The following NUDT1 variants were observed in gnomAD, a reference collection of about 807,000 sequenced individuals.
The protein encoded by NUDT1 is nudix hydrolase 1.
Under a neutral mutation model 11.3 loss-of-function variants are expected in NUDT1, and 16 were observed. The ratio of observed to expected loss-of-function variants is 1.41; its 90% CI spans 0.96 to 2.15. NUDT1 has a LOEUF of 2.15. Among genes scored for constraint, NUDT1 ranks in the 30% most tolerant of loss-of-function variants. NUDT1 has a pLI of 0.00. For synonymous variants in NUDT1, 101 were observed against 84.4 expected (o/e 1.20, Z -1.08); for missense variants, 234 against 208.4 (o/e 1.12, Z -0.76).
chr7:2,242,845 A>G, intron 1 of NUDT1: 1 of 674,356 alleles, frequency 1.5e-6, no homozygotes, highest in South Asian at 1.6e-5. Context: ...CTTTCAGTTT[A>G]GCCTTGTAGG....
At chr7:2,249,755 T>A in intron 2 of NUDT1, 102 bp from the exon 3 acceptor site, 1 of 1,485,956 alleles carries the variant, frequency 6.7e-7, no homozygotes, top group Admixed American at 1.9e-5. Context: ...CCCTGGTGGC[T>A]CCCTGGGCTG....
intron 1 of NUDT1, 95 bp downstream of exon 1, chr7:2,242,351 G>T: frequency 1.8e-6 from 1 of 571,238 alleles, no homozygotes; most frequent in Non-Finnish European, 3.0e-6. Context: ...GCTGAGCCAT[G>T]GGCTTGGGGG....
chr7:2,248,237 G>T (rs1794845011), intron 2 of NUDT1: 1 of 152,286 alleles, frequency 6.6e-6, no homozygotes, highest in Admixed American at 6.5e-5. Flanking sequence ...GTAAGAGGAG[G>T]AGACTGAGGT....
intron 2 of NUDT1, among the ~76,000 whole-genome samples, chr7:2,246,197 C>G (rs910561508): frequency 6.6e-6 from 1 of 152,234 alleles, no homozygotes; most frequent in Admixed American, 6.5e-5. Context: ...ATTTCTGTAG[C>G]GCTGCTCTGT....
At position 2,249,946 on chromosome 7, in the gene NUDT1, T is replaced by TG. The variant is rs747210374; in HGVS notation, c.244dup (p.Asp82GlyfsTer102). ...GAGTTCGTGGGCGAGCCTGAGCTCA[T>TG]GGACGTGCATGTCTTCTGCACAGAC... On this transcript the variant is annotated frameshift_variant, in exon 3 of 4. Coordinates refer to ENST00000356714, the MANE Select transcript of NUDT1 (RefSeq NM_002452.4). LOFTEE classifies it high-confidence loss of function. 249 of 1,614,086 alleles carry TG rather than the reference T, an allele frequency of 1.5e-4. No individual in the cohort carries two copies. The highest frequency in any genetic ancestry group is 2.1e-4 in the Non-Finnish European group (243 of 1,180,040).
In NUDT1 at chr7:2,251,141, C is replaced by A; in HGVS notation, c.*140C>A. On this transcript the variant is annotated 3_prime_UTR_variant, in exon 4 of 4. Transcript: ENST00000356714. The stretch of plus-strand genomic sequence containing the variant: ...TGGAAGGGAAAATAAAGCTATCTAG[C>A]GGTGGTTTTTTTTTTTTTTTTTTGG... 5.4e-6 allele frequency: 3 copies of A among 560,532 alleles called. No individual in the cohort carries two copies. The highest frequency in any genetic ancestry group is 1.7e-5 in the South Asian group (1 of 57,172). 34.7% of individuals were successfully genotyped at this position (560,532 alleles called of 1,614,324 possible).
chr7:2,246,247 G>A (rs1192904464), intron 2 of NUDT1, among the ~76,000 whole-genome samples: 1 of 152,248 alleles, frequency 6.6e-6, no homozygotes, highest in African/African-American at 2.4e-5. Context: ...GTCAGTCCCT[G>A]CCTCTGTGGA....
chr7:2,248,381 C>T (rs934803801), intron 2 of NUDT1, among the ~76,000 whole-genome samples: 3 of 152,130 alleles, frequency 2.0e-5, no homozygotes, highest in Admixed American at 6.5e-5. Flanking sequence ...TCAGCAGCAC[C>T]GCTGTGCCCA....
At chr7:2,243,057 C>A in intron 1 of NUDT1, 1 of 715,898 alleles carries the variant, frequency 1.4e-6, no homozygotes, top group Non-Finnish European at 2.6e-6. Context: ...AGGTGATTTT[C>A]CCCTGGAGTC....
Position 2,251,047 on chromosome 7 carries a change from A to G in NUDT1, c.*46A>G, listed in dbSNP as rs749663700. 32 of 1,601,128 alleles carry G rather than the reference A, an allele frequency of 2.0e-5. No homozygotes were observed. The highest frequency in any genetic ancestry group is 2.5e-5 in the Non-Finnish European group (29 of 1,169,766). ...TGGGCAGGAGACGTGGCTGCTGAAC[A>G]GCCGCAAACCATCTTCACCTGGGGG... On this transcript the variant is annotated 3_prime_UTR_variant, in exon 4 of 4. Coordinates refer to ENST00000356714, the MANE Select transcript of NUDT1 (RefSeq NM_002452.4).
In NUDT1 at chr7:2,244,595, T is replaced by C. The variant is rs1794692817; in HGVS notation, c.21T>C (p.Tyr7=). 1.9e-6 allele frequency: 3 copies of C among 1,608,622 alleles called. No homozygotes were observed. The highest frequency in any genetic ancestry group is 2.5e-6 in the Non-Finnish European group (3 of 1,176,740). ...GGACCATGGGCGCCTCCAGGCTCTA[T>C]ACCCTGGTGCTGGTCCTGCAGCCTC... The part of the protein sequence containing the change: MGASRL[Y]TLVLVLQPQR... The change falls in exon 2 of 4, where the codon TAT becomes TAC. Residue 7 remains tyrosine, a synonymous_variant. Coordinates refer to ENST00000356714, the MANE Select transcript of NUDT1 (RefSeq NM_002452.4).
In NUDT1 at chr7:2,249,963, T is replaced by C. The variant is rs776529595; in HGVS notation, c.259T>C (p.Cys87Arg). Residue 87 changes from cysteine (C) to arginine (R), a missense_variant, in exon 3 of 4, where the codon TGC becomes CGC. Cys to Arg is a radical substitution (Grantham distance 180). Transcript: ENST00000356714. ...EPELMDVHVF[C>R]TDSIQGTPVE... is the part of the protein sequence containing the mutation. ...TGAGCTCATGGACGTGCATGTCTTC[T>C]GCACAGACAGCATCCAGGGGACCCC... is the stretch of plus-strand genomic sequence containing the variant. 31 of 1,614,070 alleles carry C rather than the reference T, an allele frequency of 1.9e-5. No individual in the cohort carries two copies. The highest frequency in any genetic ancestry group is 3.3e-4 in the Middle Eastern group (2 of 6,084).
intron 2 of NUDT1, among the ~76,000 whole-genome samples, chr7:2,247,372 G>A (rs1794810563): frequency 6.6e-6 from 1 of 152,244 alleles, no homozygotes; most frequent in Non-Finnish European, 1.5e-5. Context: ...CAGAGGGCTG[G>A]ACTCAGACCC....
chr7:2,246,628 G>A (rs544361656), intron 2 of NUDT1, among the ~76,000 whole-genome samples: 3 of 152,276 alleles, frequency 2.0e-5, no homozygotes, highest in East Asian at 1.9e-4. Flanking sequence ...ACTTTGTCAC[G>A]GTCGAAGGAA....
Position 2,251,078 on chromosome 7 carries a change from A to G in NUDT1, c.*77A>G. ...AAACCATCTTCACCTGGGGGCATTGAGTGGCGCAGAGCCGGGTTTCATCTG... is the reference window on the plus strand; with the variant it reads ...AAACCATCTTCACCTGGGGGCATTGGGTGGCGCAGAGCCGGGTTTCATCTG... On this transcript the variant is annotated 3_prime_UTR_variant, in exon 4 of 4. Coordinates refer to ENST00000356714, the MANE Select transcript of NUDT1 (RefSeq NM_002452.4). The G allele has an allele frequency of 7.0e-7, 1 of 1,421,676 alleles. No homozygotes were observed. The highest frequency in any genetic ancestry group is 1.2e-5 in the South Asian group (1 of 86,920). The allele number at this position is 1,421,676 out of a possible 1,614,324, so 88.1% of individuals were successfully genotyped here.
intron 1 of NUDT1, chr7:2,242,525 C>T: frequency 2.5e-6 from 1 of 394,374 alleles, no homozygotes; most frequent in South Asian, 4.0e-5. Context: ...GAAACCGTGG[C>T]TTCTGGCAGA....
At chr7:2,247,652 C>T (rs959982940) in intron 2 of NUDT1, among the ~76,000 whole-genome samples, 2 of 152,172 alleles carry the variant, frequency 1.3e-5, no homozygotes, top group South Asian at 2.1e-4. Context: ...CCTGGGGAAC[C>T]GAGTGCCATG....
At chr7:2,243,504 G>A (rs1470501378) in intron 1 of NUDT1, among the ~76,000 whole-genome samples, 1 of 152,088 alleles carries the variant, frequency 6.6e-6, no homozygotes, top group Non-Finnish European at 1.5e-5. Flanking sequence ...TGGGCGCAGT[G>A]GCTCACGCCT....
Position 2,250,995 on chromosome 7 carries a change from G to C in NUDT1, c.465G>C (p.Thr155=). 1 of 1,613,864 alleles carries C rather than the reference G, an allele frequency of 6.2e-7. No individual in the cohort carries two copies. Among genetic ancestry groups the C allele is most frequent in the Non-Finnish European group, 8.5e-7 (1 of 1,179,914 alleles). Residue 155 remains threonine, a synonymous_variant, in exon 4 of 4, where the codon ACG becomes ACC. Coordinates refer to ENST00000356714, the MANE Select transcript of NUDT1 (RefSeq NM_002452.4). ...ACTACACACTCCGCGAGGTGGACAC[G>C]GTCTAGCGGGAGCCCAGGGCAGCCC... ...ILDYTLREVD[T]V
Sources: allele counts gnomAD v4.1 joint callset (sites outside exome capture counted in the v4.1 genomes callset), GRCh38; gene constraint gnomAD v4.1.1; transcripts MANE v1.5; gene names NCBI Gene and HGNC (gene_info 2026-07-23, HGNC 2026-07-21).